FAR2: variants seen among roughly 807,000 people sequenced by gnomAD.
FAR2 encodes the protein fatty acyl-CoA reductase 2.
In FAR2, 19 loss-of-function variants were observed where a neutral mutation model predicts 56.0. The observed-to-expected ratio is 0.34, with a 90% CI of 0.24 to 0.50. FAR2 has a LOEUF of 0.50. FAR2 is among the 20% of genes least tolerant of loss of function. FAR2 has a pLI of 0.98. For missense variants in FAR2, 508 were observed against 642.2 expected (o/e 0.79, Z 2.26); for synonymous variants, 219 against 218.8 (o/e 1.00, Z -0.01).
At chr12:29,326,934 A>G (rs1241888906) in intron 10 of FAR2, among the ~76,000 whole-genome samples, 2 of 152,174 alleles carry the variant, frequency 1.3e-5, no homozygotes, top group Non-Finnish European at 2.9e-5. Flanking sequence ...AATAAAGGGC[A>G]TTCAATTAGG....
chr12:29,315,616 G>A (rs998901113), intron 8 of FAR2, among the ~76,000 whole-genome samples: 4 of 152,292 alleles, frequency 2.6e-5, no homozygotes, highest in Non-Finnish European at 4.4e-5. Context: ...GACACAGAAG[G>A]TGGAAATTAT....
At position 29,311,668 on chromosome 12, in the gene FAR2, A is replaced by T. The variant is rs73273314; in HGVS notation, c.888-215A>T. Among the ~76,000 whole-genome samples, 133 of 80,186 alleles carry T rather than the reference A, an allele frequency of 1.7e-3. 1 individual carries two copies. The highest frequency in any genetic ancestry group is 0.015 in the Middle Eastern group (3 of 202). The allele number at this position is 80,186 out of a possible 152,430, so 52.6% of individuals were successfully genotyped here. Reference sequence around the variant, plus strand: ...GTCACTCCTATTTAACATCTCTTTCACACACACACACACACACACACACAC... The same window carrying T: ...GTCACTCCTATTTAACATCTCTTTCTCACACACACACACACACACACACAC... On this transcript the variant is annotated intron_variant, in intron 7 of 11. Coordinates refer to ENST00000536681, the MANE Select transcript of FAR2 (RefSeq NM_001271783.2).
intron 1 of FAR2, among the ~76,000 whole-genome samples, chr12:29,189,362 G>C (rs999428300): frequency 6.6e-6 from 1 of 152,106 alleles, no homozygotes; most frequent in Non-Finnish European, 1.5e-5. Flanking sequence ...CTTTCAGGTT[G>C]GCTCCTATAT....
chr12:29,171,203 A>G (rs1486903306), intron 1 of FAR2, among the ~76,000 whole-genome samples: 1 of 152,200 alleles, frequency 6.6e-6, no homozygotes, highest in Non-Finnish European at 1.5e-5. Context: ...CTGGCCATCA[A>G]TGAGCTGGTG....
At chr12:29,199,599 C>CAAA (rs774461038) in intron 1 of FAR2, among the ~76,000 whole-genome samples, 4,305 of 106,088 alleles carry the variant, frequency 0.041, 226 homozygotes, top group African/African-American at 0.13. Context: ...GACCCCGTCT[C>CAAA]AAAAAAAAAA....
At chr12:29,310,330 C>A (rs1241894327) in intron 6 of FAR2, among the ~76,000 whole-genome samples, 1 of 152,150 alleles carries the variant, frequency 6.6e-6, no homozygotes, top group African/African-American at 2.4e-5. Flanking sequence ...AAGTGCTAAT[C>A]GTTGCAAATC....
intron 1 of FAR2, among the ~76,000 whole-genome samples, chr12:29,193,417 A>G (rs2136609279): frequency 6.6e-6 from 1 of 152,214 alleles, no homozygotes; most frequent in East Asian, 1.9e-4. Context: ...CCCTCTCCCT[A>G]ACCCCTAGCA....
intron 7 of FAR2, among the ~76,000 whole-genome samples, chr12:29,311,408 T>C (rs1477435812): frequency 6.6e-6 from 1 of 152,136 alleles, no homozygotes; most frequent in East Asian, 1.9e-4. Flanking sequence ...AAAAGGCTTT[T>C]CTTTCTATTC....
intron 1 of FAR2, chr12:29,171,454 C>A (rs1439828277): frequency 1.3e-5 from 2 of 150,482 alleles, no homozygotes; most frequent in African/African-American, 4.9e-5. Flanking sequence ...CCAGCTGCCA[C>A]CCCATCTGGG....
chr12:29,203,717 C>T (rs577415483), intron 1 of FAR2, among the ~76,000 whole-genome samples: 13 of 152,136 alleles, frequency 8.5e-5, no homozygotes, highest in African/African-American at 1.4e-4. Context: ...AAAATTATGT[C>T]GGCCGGGGGC....
rs531361608 is a variant in FAR2, at chr12:29,198,728, T to C, written c.-39+49321T>C. Among the ~76,000 whole-genome samples, 13 of 152,296 alleles carry C rather than the reference T, an allele frequency of 8.5e-5. No individual in the cohort carries two copies. In the South Asian group the frequency reaches 2.5e-3, roughly 29 times the overall value. ...CTACAATCAACTCTATATTTCTACC[T>C]AGAAAGGTAGGAAAAGACCACAATT... is the stretch of plus-strand genomic sequence containing the variant. On this transcript the variant is annotated intron_variant, in intron 1 of 11. Transcript: ENST00000536681.
In FAR2 at chr12:29,321,795, G is replaced by A. The variant is rs991898186; in HGVS notation, c.1128G>A (p.Arg376=). 3 of 1,612,866 alleles carry A rather than the reference G, an allele frequency of 1.9e-6. No individual in the cohort carries two copies. Among genetic ancestry groups the A allele is most frequent in the Non-Finnish European group, 2.5e-6 (3 of 1,179,250 alleles). The change falls in exon 10 of 12, where the codon AGG becomes AGA. Residue 376 remains arginine (R), a splice_region_variant and synonymous_variant. Transcript: ENST00000536681. The part of the protein sequence containing the change: ...CYLRLTGRKP[R]MTKLMNRLLR... ...TACTCCTATCTGATGGTTATCTCAG[G>A]ATGACAAAGCTCATGAATCGGCTTT...
At position 29,334,714 on chromosome 12, in the gene FAR2, A is replaced by T. The variant is rs1407910508; in HGVS notation, c.*920A>T. 6.6e-6 allele frequency: 1 copy of T among 152,294 alleles called. No individual in the cohort carries two copies. Among genetic ancestry groups the T allele is most frequent in the East Asian group, 1.9e-4 (1 of 5,178 alleles). 9.4% of individuals were successfully genotyped at this position (152,294 alleles called of 1,614,324 possible). A position where few individuals can be genotyped will look rare whatever the true frequency, so the allele number is the denominator to read the frequency against. On this transcript the variant is annotated 3_prime_UTR_variant, in exon 12 of 12. Transcript: ENST00000536681. ...AAAACAAAACTTCAAATGAACTTTTAAACTGTAGCTTTAGTCTTCTGGTAT... is the reference window on the plus strand; with the variant it reads ...AAAACAAAACTTCAAATGAACTTTTTAACTGTAGCTTTAGTCTTCTGGTAT...
At chr12:29,332,547 G>A in intron 10 of FAR2, 53 bp from the exon 11 acceptor site, 1 of 1,606,918 alleles carries the variant, frequency 6.2e-7, no homozygotes, top group Non-Finnish European at 8.5e-7. Context: ...AGTGGACAAA[G>A]TGACTGTCCA....
chr12:29,198,779 G>A (rs1475068366), intron 1 of FAR2, among the ~76,000 whole-genome samples: 1 of 152,108 alleles, frequency 6.6e-6, no homozygotes, highest in Non-Finnish European at 1.5e-5. Flanking sequence ...GATACTTTCT[G>A]CGTCATAACC....
chr12:29,286,750 A>T (rs147849626), intron 2 of FAR2, among the ~76,000 whole-genome samples: 80 of 152,336 alleles, frequency 5.3e-4, no homozygotes, highest in African/African-American at 1.8e-3. Context: ...ATTGTCTTTA[A>T]GAATAGCATA....
intron 1 of FAR2, among the ~76,000 whole-genome samples, chr12:29,239,480 G>GTGTGTA (rs751710237): frequency 4.6e-5 from 7 of 151,626 alleles, no homozygotes; most frequent in Non-Finnish European, 1.0e-4. Context: ...GTGTGTGTGT[G>GTGTGTA]TGTATAAAAC....
At chr12:29,233,341 T>C (rs1947888688) in intron 1 of FAR2, among the ~76,000 whole-genome samples, 1 of 152,154 alleles carries the variant, frequency 6.6e-6, no homozygotes, top group African/African-American at 2.4e-5. Context: ...ATCTTAATAC[T>C]TCTGTCTGCC....
At chr12:29,269,185 C>A (rs1379249138) in intron 1 of FAR2, among the ~76,000 whole-genome samples, 5 of 152,074 alleles carry the variant, frequency 3.3e-5, no homozygotes, top group Non-Finnish European at 7.4e-5. Flanking sequence ...AGAGTCTTGA[C>A]CATAAAAGAC....
Sources: allele counts gnomAD v4.1 joint callset (sites outside exome capture counted in the v4.1 genomes callset), GRCh38; gene constraint gnomAD v4.1.1; transcripts MANE v1.5; gene names NCBI Gene and HGNC (gene_info 2026-07-23, HGNC 2026-07-21).